The following BICD1 variants were observed in gnomAD, a reference collection of about 807,000 sequenced individuals.
The protein encoded by BICD1 is BICD cargo adaptor 1.
A neutral mutation model predicts 92.5 loss-of-function variants in BICD1; 35 were observed. The ratio of observed to expected loss-of-function variants is 0.38; its 90% confidence interval spans 0.29 to 0.50. The LOEUF (loss-of-function observed/expected upper bound fraction) is 0.50, where lower values mean the gene tolerates loss of function less well. BICD1 is among the 20% of genes least tolerant of loss of function. BICD1 has a pLI of 0.93. For missense variants in BICD1, 950 were observed against 1,189.8 expected (o/e 0.80, Z 2.97); for synonymous variants, 429 against 465.1 (o/e 0.92, Z 1.00).
At chr12:32,270,326 T>C (rs552366200) in intron 2 of BICD1, among the ~76,000 whole-genome samples, 1 of 152,264 alleles carries the variant, frequency 6.6e-6, no homozygotes, top group South Asian at 2.1e-4. Flanking sequence ...CTTGGCTTAC[T>C]GGAAAATTCA....
At chr12:32,111,790 G>T (rs899951530) in intron 1 of BICD1, among the ~76,000 whole-genome samples, 1 of 151,748 alleles carries the variant, frequency 6.6e-6, no homozygotes, top group African/African-American at 2.4e-5. Context: ...CGTATTTTTA[G>T]TAGAGATGGG....
At chr12:32,223,953 G>A (rs759424759) in intron 2 of BICD1, among the ~76,000 whole-genome samples, 2 of 152,106 alleles carry the variant, frequency 1.3e-5, no homozygotes, top group African/African-American at 2.4e-5. Flanking sequence ...TATGGATGTG[G>A]TTCATGTCAA....
chr12:32,291,542 A>G lies in BICD1; in HGVS notation c.427-2452A>G, dbSNP rs115728147. On this transcript the variant is annotated intron_variant, in intron 2 of 9. Coordinates refer to ENST00000652176, the MANE Select transcript of BICD1 (RefSeq NM_001714.4). Reference sequence around the variant, plus strand: ...CCCTGCTTCTACCAAAAAAAAAAATATATATTAAATTTGTAGAAGTCTGGG... The same window carrying G: ...CCCTGCTTCTACCAAAAAAAAAAATGTATATTAAATTTGTAGAAGTCTGGG... Among the ~76,000 whole-genome samples the G allele has an allele frequency of 4.9e-3, 738 of 149,714 alleles. 2 individuals carry two copies. Among genetic ancestry groups the G allele is most frequent in the African/African-American group, 0.017 (709 of 40,604 alleles).
chr12:32,327,786 C>A lies in BICD1; in HGVS notation c.1331C>A (p.Ser444Tyr). The change falls in exon 5 of 10, where the codon TCT (serine) becomes TAT (tyrosine). Residue 444 changes from serine to tyrosine, a missense_variant. Ser to Tyr is a moderately radical substitution (Grantham distance 144). Coordinates refer to ENST00000652176, the MANE Select transcript of BICD1 (RefSeq NM_001714.4). Reference protein sequence around the residue: ...IKALKEKYNKSVENYTDEKAK... With the variant: ...IKALKEKYNKYVENYTDEKAK... ...GCCTTAAAGGAGAAATATAATAAAT[C>A]TGTAGAAAACTACACTGATGAGAAG... 1.9e-6 allele frequency: 3 copies of A among 1,614,102 alleles called. No individual in the cohort carries two copies. Among genetic ancestry groups the A allele is most frequent in the Non-Finnish European group, 2.5e-6 (3 of 1,180,010 alleles).
chr12:32,259,691 T>A (rs1380120940), intron 2 of BICD1, among the ~76,000 whole-genome samples: 1 of 152,174 alleles, frequency 6.6e-6, no homozygotes, highest in Admixed American at 6.5e-5. Context: ...ACACTTCACT[T>A]ACACTCACAT....
intron 1 of BICD1, among the ~76,000 whole-genome samples, chr12:32,187,439 C>T (rs565878652): frequency 2.6e-5 from 4 of 152,050 alleles, no homozygotes; most frequent in East Asian, 1.9e-4. Flanking sequence ...TTTGGGAGGC[C>T]GAGGCGGGCA....
chr12:32,212,205 G>GTT (rs33979114), intron 1 of BICD1, among the ~76,000 whole-genome samples: 18 of 151,854 alleles, frequency 1.2e-4, no homozygotes, highest in East Asian at 5.8e-4. Context: ...GGTTTTCAGT[G>GTT]TTTTTTTGTT....
At chr12:32,190,020 A>G (rs1944522588) in intron 1 of BICD1, among the ~76,000 whole-genome samples, 1 of 152,116 alleles carries the variant, frequency 6.6e-6, no homozygotes, top group Admixed American at 6.6e-5. Flanking sequence ...TTTGTATGCA[A>G]TTGAAGTTGA....
intron 1 of BICD1, among the ~76,000 whole-genome samples, chr12:32,178,852 C>T (rs1252036887): frequency 6.6e-6 from 1 of 151,978 alleles, no homozygotes; most frequent in South Asian, 2.1e-4. Context: ...CTCTGCACTG[C>T]TGCAGGCTGT....
intron 4 of BICD1, among the ~76,000 whole-genome samples, chr12:32,325,935 T>C (rs1396315405): frequency 6.6e-6 from 1 of 151,784 alleles, no homozygotes; most frequent in Non-Finnish European, 1.5e-5. Flanking sequence ...ACAAAAAAAT[T>C]AGCTGGGCGT....
chr12:32,328,336 C>T lies in BICD1; in HGVS notation c.1881C>T (p.Asn627=), dbSNP rs199498750. Residue 627 remains asparagine (N), a synonymous_variant, in exon 5 of 10, where the codon AAC becomes AAT. Transcript: ENST00000652176. The surrounding 1 kb of genome is among the most constrained non-coding windows in gnomAD (Gnocchi z 4.4). The part of the protein sequence containing the change: ...DIRKEPMNIY[N]LNAIIRDQIK... ...GCAAAGAGCCAATGAATATCTACAA[C>T]CTTAATGCCATAATCCGGGACCAAA... 3.8e-5 allele frequency: 61 copies of T among 1,614,136 alleles called. No individual in the cohort carries two copies. The highest frequency in any genetic ancestry group is 4.9e-5 in the Non-Finnish European group (58 of 1,180,052).
intron 1 of BICD1, among the ~76,000 whole-genome samples, chr12:32,119,927 G>A (rs1942083012): frequency 6.6e-6 from 1 of 152,142 alleles, no homozygotes; most frequent in Non-Finnish European, 1.5e-5. Flanking sequence ...AACCTTCATT[G>A]CACAGTCTTT....
At chr12:32,222,311 TAAC>T (rs1196376250) in intron 2 of BICD1, among the ~76,000 whole-genome samples, 2 of 152,150 alleles carry the variant, frequency 1.3e-5, no homozygotes, top group Non-Finnish European at 2.9e-5. Context: ...AAAGTGAAAA[TAAC>T]AACATTTATT....
At chr12:32,223,438 A>T (rs955421621) in intron 2 of BICD1, among the ~76,000 whole-genome samples, 1 of 151,472 alleles carries the variant, frequency 6.6e-6, no homozygotes, top group Admixed American at 6.6e-5. Flanking sequence ...AATCGCTTGA[A>T]CGTGAGAGGC....
At chr12:32,367,481 A>G in intron 8 of BICD1, 189 bp from the exon 9 acceptor site, 1 of 484,316 alleles carries the variant, frequency 2.1e-6, no homozygotes, top group Non-Finnish European at 3.5e-6. Flanking sequence ...ACTGTATTTA[A>G]GAAAAAAAAA....
chr12:32,288,598 A>G (rs547854530), intron 2 of BICD1, among the ~76,000 whole-genome samples: 182 of 152,094 alleles, frequency 1.2e-3, no homozygotes, highest in African/African-American at 4.1e-3. Flanking sequence ...GGGCTTGGTG[A>G]CTCACACTTG....
intron 1 of BICD1, among the ~76,000 whole-genome samples, chr12:32,150,690 C>T (rs1489764302): frequency 1.3e-5 from 2 of 151,984 alleles, no homozygotes; most frequent in African/African-American, 4.8e-5. Flanking sequence ...GGAAATGGTA[C>T]CCTTAAAGTT....
At chr12:32,270,967 G>A (rs1052746339) in intron 2 of BICD1, among the ~76,000 whole-genome samples, 1 of 152,110 alleles carries the variant, frequency 6.6e-6, no homozygotes, top group Admixed American at 6.6e-5. Context: ...GAGAGCAGCC[G>A]CTGGCCAGCC....
chr12:32,204,075 G>T (rs897777912), intron 1 of BICD1, among the ~76,000 whole-genome samples: 9 of 152,138 alleles, frequency 5.9e-5, no homozygotes, highest in African/African-American at 2.2e-4. Flanking sequence ...GAGGTTGGGC[G>T]TGGTGGCTCA....
Sources: gnomAD v4.1 joint callset for allele counts (sites outside exome capture counted in the v4.1 genomes callset) on GRCh38, gnomAD v4.1.1 for gene constraint, Gnocchi (gnomAD v3.1) non-coding constraint, MANE v1.5 for transcripts, NCBI Gene and HGNC (gene_info 2026-07-23, HGNC 2026-07-21) for gene names.